The following SLC9A2 variants were observed in gnomAD, a reference collection of about 807,000 sequenced individuals.
The protein encoded by SLC9A2 is sodium/hydrogen exchanger 2.
Under a neutral mutation model 71.7 loss-of-function variants are expected in SLC9A2, and 42 were observed. The ratio of observed to expected loss-of-function variants is 0.59; its 90% CI spans 0.46 to 0.76. The LOEUF (loss-of-function observed/expected upper bound fraction) is 0.76. SLC9A2 is among the 30% of genes least tolerant of loss of function. SLC9A2 has a pLI of 0.00. For synonymous variants in SLC9A2, 396 were observed against 392.5 expected (o/e 1.01, Z -0.10); for missense variants, 829 against 1,017.4 (o/e 0.81, Z 2.52).
intron 5 of SLC9A2, chr2:102,686,381 T>C (rs1258567591): frequency 6.6e-6 from 1 of 152,244 alleles, no homozygotes; most frequent in Non-Finnish European, 1.5e-5. Flanking sequence ...AGTATTGTAA[T>C]GCATCACGAT....
At chr2:102,628,618 G>T (rs1254442357) in intron 1 of SLC9A2, among the ~76,000 whole-genome samples, 3 of 152,006 alleles carry the variant, frequency 2.0e-5, no homozygotes, top group African/African-American at 7.3e-5. Context: ...TCAGCTCTCG[G>T]TATTTTTAAA....
At chr2:102,672,330 C>T (rs1677268616) in intron 3 of SLC9A2, among the ~76,000 whole-genome samples, 1 of 151,004 alleles carries the variant, frequency 6.6e-6, no homozygotes, top group Non-Finnish European at 1.5e-5. Flanking sequence ...GCAGATTACA[C>T]ATACAGCTCT....
At chr2:102,702,558 T>C in intron 9 of SLC9A2, 56 bp downstream of exon 9, 1 of 1,052,830 alleles carries the variant, frequency 9.5e-7, no homozygotes, top group Non-Finnish European at 1.4e-6. Flanking sequence ...CAGGATGCCT[T>C]CTGGTTTTGT....
intron 4 of SLC9A2, 90 bp downstream of exon 4, chr2:102,683,568 G>T: frequency 1.0e-6 from 1 of 994,078 alleles, no homozygotes; most frequent in South Asian, 1.5e-5. Context: ...TGCTGTTGTG[G>T]ATTCTTTTAT....
At chr2:102,680,129 G>C (rs6543179) in intron 3 of SLC9A2, among the ~76,000 whole-genome samples, 12,109 of 149,504 alleles carry the variant, frequency 0.081, 1,067 homozygotes, top group African/African-American at 0.22. Context: ...TTATAAATTA[G>C]TTTTATTACA....
Position 102,657,752 on chromosome 2 carries a change from C to G in SLC9A2, c.478C>G (p.Arg160Gly), listed in dbSNP as rs920449912. ...GGATGCCGGCTATTTCATGCCCACT[C>G]GCCCATTCTTTGAGAACATTGGCAC... Reference protein sequence around the residue: ...VLDAGYFMPTRPFFENIGTIF... With the variant: ...VLDAGYFMPTGPFFENIGTIF... The change falls in exon 2 of 12, where the codon CGC becomes GGC. Residue 160 changes from arginine to glycine, a missense_variant. Coordinates refer to ENST00000233969, the MANE Select transcript of SLC9A2 (RefSeq NM_003048.6). 1 of 1,614,080 alleles carries G rather than the reference C, an allele frequency of 6.2e-7. No individual in the cohort carries two copies. Among genetic ancestry groups the G allele is most frequent in the Non-Finnish European group, 8.5e-7 (1 of 1,180,032 alleles).
chr2:102,670,777 T>C (rs562220902), intron 3 of SLC9A2, among the ~76,000 whole-genome samples: 1 of 151,484 alleles, frequency 6.6e-6, no homozygotes, highest in South Asian at 2.1e-4. Context: ...TGCTCTCTTC[T>C]TCCTGTTTTT....
chr2:102,695,803 T>TATATTATATATATA (rs1677754404), intron 7 of SLC9A2, among the ~76,000 whole-genome samples: 16 of 75,680 alleles, frequency 2.1e-4, no homozygotes, highest in African/African-American at 7.9e-4. Context: ...ATATATATTA[T>TATATTATATATATA]ATATATATAT....
At chr2:102,639,329 G>A (rs190526894) in intron 1 of SLC9A2, among the ~76,000 whole-genome samples, 95 of 152,286 alleles carry the variant, frequency 6.2e-4, no homozygotes, top group African/African-American at 2.2e-3. Context: ...AAAATTACTT[G>A]TTTTACCTTT....
chr2:102,702,374 A>AG, intron 8 of SLC9A2, 32 bp from the exon 9 acceptor site: 1 of 1,145,324 alleles, frequency 8.7e-7, no homozygotes, highest in East Asian at 2.4e-5. Flanking sequence ...ATTTGTTGAA[A>AG]GGTAAAATAT....
rs1573391480 is a variant in SLC9A2 at position 102,619,792 on chromosome 2, G to A, written c.-57G>A. 1 of 1,422,594 alleles carries A rather than the reference G, an allele frequency of 7.0e-7. No individual in the cohort carries two copies. The highest frequency in any genetic ancestry group is 9.2e-7 in the Non-Finnish European group (1 of 1,083,944). The allele number at this position is 1,422,594 out of a possible 1,614,324, so 88.1% of individuals were successfully genotyped here. A position where few individuals can be genotyped will look rare whatever the true frequency, so the allele number is the denominator to read the frequency against. ...GCGGGCTGAGCAGCCCGGGCGCGAT[G>A]CGTTGAGCGCTCGGAGGGCCAACCG... On this transcript the variant is annotated 5_prime_UTR_variant, in exon 1 of 12. It removes an upstream start codon present in the reference 5' UTR. Transcript: ENST00000233969. The surrounding 1 kb of genome is among the most constrained non-coding windows in gnomAD (Gnocchi z 4.3).
At position 102,640,994 on chromosome 2, in the gene SLC9A2, G is replaced by A. The variant is rs145830897; in HGVS notation, c.290-16570G>A. Among the ~76,000 whole-genome samples the A allele has an allele frequency of 5.9e-3, 897 of 152,296 alleles. 6 individuals carry two copies. The highest frequency in any genetic ancestry group is 0.02 in the Middle Eastern group (6 of 294). On this transcript the variant is annotated intron_variant, in intron 1 of 11. Coordinates refer to ENST00000233969, the MANE Select transcript of SLC9A2 (RefSeq NM_003048.6). ...ATGCTCCTATTGCCCTTATTGCTCA[G>A]GACATTACAAGGGTTTTAGGGGCTC...
chr2:102,639,199 G>C (rs1276019012), intron 1 of SLC9A2, among the ~76,000 whole-genome samples: 1 of 152,118 alleles, frequency 6.6e-6, no homozygotes, highest in East Asian at 1.9e-4. Context: ...ATAGAAACCT[G>C]CAGAAAAACT....
chr2:102,644,365 G>A (rs776491960), intron 1 of SLC9A2, among the ~76,000 whole-genome samples: 7 of 152,128 alleles, frequency 4.6e-5, no homozygotes, highest in African/African-American at 1.2e-4. Context: ...CAGGGCCCTC[G>A]GTTTCAAGCA....
intron 1 of SLC9A2, among the ~76,000 whole-genome samples, chr2:102,655,800 G>A (rs1676928532): frequency 6.6e-6 from 1 of 152,196 alleles, no homozygotes; most frequent in Non-Finnish European, 1.5e-5. Flanking sequence ...CAGTTCCAGA[G>A]GCTGGGCAGT....
chr2:102,638,996 C>T (rs1378634153), intron 1 of SLC9A2, among the ~76,000 whole-genome samples: 4 of 152,180 alleles, frequency 2.6e-5, no homozygotes, highest in Non-Finnish European at 5.9e-5. Context: ...CCAGCATGGT[C>T]AACATAGTGA....
rs184382993 is a variant in SLC9A2, at chr2:102,651,296, G to A, written c.290-6268G>A. 7.0e-4 allele frequency among the ~76,000 whole-genome samples: 107 copies of A among 152,176 alleles called. 1 individual carries two copies. The highest frequency in any genetic ancestry group is 1.4e-3 in the Non-Finnish European group (92 of 68,046). The stretch of plus-strand genomic sequence containing the variant: ...GGTCATGACATTCCTCTGCTCAAAA[G>A]CCTCTCAGGAAATAACCAACTTCTG... On this transcript the variant is annotated intron_variant, in intron 1 of 11. Transcript: ENST00000233969.
chr2:102,658,562 T>G (rs896662713), intron 2 of SLC9A2, among the ~76,000 whole-genome samples: 1 of 151,472 alleles, frequency 6.6e-6, no homozygotes, highest in African/African-American at 2.4e-5. Context: ...GGAAAGTTTT[T>G]GTCACACGCT....
intron 7 of SLC9A2, 120 bp downstream of exon 7, chr2:102,695,233 C>G (rs1354186055): frequency 1.0e-5 from 7 of 679,304 alleles, no homozygotes; most frequent in African/African-American, 1.8e-5. Context: ...ATAGTATGTC[C>G]TCTAAGATAA....
Sources: allele counts gnomAD v4.1 joint callset (sites outside exome capture counted in the v4.1 genomes callset), GRCh38; gene constraint gnomAD v4.1.1; non-coding constraint Gnocchi (gnomAD v3.1); transcripts MANE v1.5; gene names NCBI Gene and HGNC (gene_info 2026-07-23, HGNC 2026-07-21).